EYS: variants seen among roughly 807,000 people sequenced by gnomAD.
EYS encodes protein eyes shut homolog.
In EYS, 250 loss-of-function variants were observed where a neutral mutation model predicts 282.1. The ratio of observed to expected loss-of-function variants is 0.89; its 90% CI spans 0.80 to 0.98. EYS has a LOEUF of 0.98. EYS is among the 50% of genes least tolerant of loss of function. The probability of loss-of-function intolerance (pLI) is 0.00; values close to 1 mark genes in which losing one functional copy is unlikely to be tolerated. For synonymous variants in EYS, 1,355 were observed against 1,282.9 expected (o/e 1.06, Z -1.20); for missense variants, 4,016 against 3,709.0 (o/e 1.08, Z -2.15).
At chr6:64,688,696 T>G (rs1034938947) in intron 22 of EYS, among the ~76,000 whole-genome samples, 1 of 152,184 alleles carries the variant, frequency 6.6e-6, no homozygotes, top group African/African-American at 2.4e-5. Context: ...AGAATGAATA[T>G]TCTGTTGATT....
At position 65,619,185 on chromosome 6, in the gene EYS, G is replaced by T. The variant is rs534903410; in HGVS notation, c.-333+20593C>A. 4.0e-4 allele frequency among the ~76,000 whole-genome samples: 61 copies of T among 151,860 alleles called. 1 individual carries two copies. The highest frequency in any genetic ancestry group is 1.2e-3 in the African/African-American group (50 of 41,400). ...CGATATTGATTCTTCCTACCCATGA[G>T]CATGGAATGTTCTTCCATTTGTTTG... is the stretch of plus-strand genomic sequence containing the variant. On this transcript the variant is annotated intron_variant, in intron 2 of 42. Transcript: ENST00000503581.
chr6:64,164,648 G>C (rs965932705), intron 31 of EYS, among the ~76,000 whole-genome samples: 2 of 152,084 alleles, frequency 1.3e-5, no homozygotes, highest in African/African-American at 4.8e-5. Context: ...CCTTGAACAG[G>C]TTGTTCAATG....
chr6:64,581,561 C>T (rs896026979), intron 26 of EYS, among the ~76,000 whole-genome samples: 2 of 151,994 alleles, frequency 1.3e-5, no homozygotes, highest in Non-Finnish European at 2.9e-5. Flanking sequence ...CTTTATGTTG[C>T]ATAATGCCAG....
intron 9 of EYS, among the ~76,000 whole-genome samples, chr6:65,351,503 T>A (rs899956427): frequency 6.6e-6 from 1 of 151,818 alleles, no homozygotes; most frequent in Admixed American, 6.6e-5. Flanking sequence ...AAAGCTGATT[T>A]ATCCATGAGC....
In EYS at chr6:65,479,238, A is replaced by G. The variant is rs533518091; in HGVS notation, c.862+11356T>C. Among the ~76,000 whole-genome samples, 15 of 152,346 alleles carry G rather than the reference A, an allele frequency of 9.8e-5. No individual in the cohort carries two copies. In the South Asian group the frequency reaches 3.1e-3, roughly 32 times the overall value. ...GTGTAACTGTAGAAGGAAAGGAAGG[A>G]GACATTTTGGCAAATAACTCCTTGG... is the stretch of plus-strand genomic sequence containing the variant. On this transcript the variant is annotated intron_variant, in intron 5 of 42. Coordinates refer to ENST00000503581, the MANE Select transcript of EYS (RefSeq NM_001142800.2).
At chr6:63,864,117 T>C (rs1156394738) in intron 36 of EYS, 69 bp downstream of exon 36, 9 of 1,332,234 alleles carry the variant, frequency 6.8e-6, no homozygotes, top group Non-Finnish European at 8.9e-6. Flanking sequence ...CCTTGATTCA[T>C]CTGAGTGATT....
chr6:64,484,570 G>A (rs1776528098), intron 26 of EYS, among the ~76,000 whole-genome samples: 1 of 151,548 alleles, frequency 6.6e-6, no homozygotes, highest in African/African-American at 2.4e-5. Context: ...ATATGATATA[G>A]GAAAAGGATG....
At chr6:64,034,101 T>C (rs1769998090) in intron 33 of EYS, among the ~76,000 whole-genome samples, 1 of 152,190 alleles carries the variant, frequency 6.6e-6, no homozygotes, top group Non-Finnish European at 1.5e-5. Flanking sequence ...TGGTCTGCAA[T>C]AGCAGGGCAG....
At chr6:64,684,505 T>G (rs62418024) in intron 22 of EYS, among the ~76,000 whole-genome samples, 8,674 of 152,076 alleles carry the variant, frequency 0.057, 318 homozygotes, top group East Asian at 0.15. Flanking sequence ...ATGGCAAATT[T>G]GTAGGTAAAG....
intron 29 of EYS, among the ~76,000 whole-genome samples, chr6:64,371,905 T>C (rs938677102): frequency 6.6e-6 from 1 of 152,094 alleles, no homozygotes; most frequent in Non-Finnish European, 1.5e-5. Flanking sequence ...CCTATGGGTG[T>C]CACTGCGTGT....
chr6:65,483,542 T>C (rs1765677678), intron 5 of EYS, among the ~76,000 whole-genome samples: 1 of 152,096 alleles, frequency 6.6e-6, no homozygotes, highest in Non-Finnish European at 1.5e-5. Flanking sequence ...ATAATATTGA[T>C]TATGAATCCA....
At chr6:64,626,299 T>C in intron 22 of EYS, 54 bp from the exon 23 acceptor site, 9 of 1,484,374 alleles carry the variant, frequency 6.1e-6, no homozygotes, top group Non-Finnish European at 8.0e-6. Context: ...ATGAGCACTA[T>C]CACTTTTCAT....
intron 12 of EYS, among the ~76,000 whole-genome samples, chr6:65,188,407 G>C (rs1765562716): frequency 6.6e-6 from 1 of 151,544 alleles, no homozygotes; most frequent in Non-Finnish European, 1.5e-5. Context: ...GGTTTGTGTT[G>C]TAAACAAAAT....
At chr6:65,025,639 A>G (rs762694503) in intron 13 of EYS, among the ~76,000 whole-genome samples, 3 of 152,164 alleles carry the variant, frequency 2.0e-5, no homozygotes, top group Admixed American at 6.5e-5. Flanking sequence ...GTTTGAACCC[A>G]GGAGGGAGAG....
intron 2 of EYS, among the ~76,000 whole-genome samples, chr6:65,618,148 A>G (rs1255974636): frequency 6.6e-6 from 1 of 152,134 alleles, no homozygotes; most frequent in African/African-American, 2.4e-5. Context: ...ACAATGGTTG[A>G]ACTAGTTTAC....
chr6:65,440,841 A>ATG (rs1351523781), intron 5 of EYS, among the ~76,000 whole-genome samples: 23 of 142,936 alleles, frequency 1.6e-4, no homozygotes, highest in African/African-American at 5.7e-4. Flanking sequence ...GAAAAAAAAT[A>ATG]TGTGTATATA....
chr6:64,040,313 G>T (rs1455616729), intron 33 of EYS, among the ~76,000 whole-genome samples: 2 of 152,132 alleles, frequency 1.3e-5, no homozygotes, highest in African/African-American at 2.4e-5. Context: ...TATGGGGGTG[G>T]TGGTGAATAG....
At chr6:64,342,440 C>G (rs1448162277) in intron 29 of EYS, among the ~76,000 whole-genome samples, 1 of 152,032 alleles carries the variant, frequency 6.6e-6, no homozygotes, top group East Asian at 1.9e-4. Flanking sequence ...AATTTTCAAC[C>G]TAGAATTTCA....
chr6:65,362,242 C>A (rs1764738595), intron 8 of EYS, among the ~76,000 whole-genome samples: 1 of 151,978 alleles, frequency 6.6e-6, no homozygotes, highest in Non-Finnish European at 1.5e-5. Context: ...GAGTTATTAA[C>A]CACATATGGC....
Sources: allele counts gnomAD v4.1 joint callset (sites outside exome capture counted in the v4.1 genomes callset), GRCh38; gene constraint gnomAD v4.1.1; transcripts MANE v1.5; gene names NCBI Gene and HGNC (gene_info 2026-07-23, HGNC 2026-07-21).